NELL1: variants seen among roughly 807,000 people sequenced by gnomAD.
The protein encoded by NELL1 is neural EGFL like 1, also known as protein kinase C-binding protein NELL1.
NELL1 carries 76 observed loss-of-function variants against 107.4 expected under a neutral mutation model. The ratio of observed to expected loss-of-function variants is 0.71; its 90% CI spans 0.59 to 0.86. The LOEUF is 0.86. Among genes scored for constraint, NELL1 ranks in the 40% least tolerant of loss-of-function variants. The pLI is 0.00. For synonymous variants in NELL1, 353 were observed against 341.2 expected (o/e 1.03, Z -0.38); for missense variants, 1,024 against 1,005.5 (o/e 1.02, Z -0.25).
rs865953908 is a variant in NELL1 at position 21,099,224 on chromosome 11, C to A, written c.1301-14365C>A. On this transcript the variant is annotated intron_variant, in intron 12 of 19. Coordinates refer to ENST00000357134, the MANE Select transcript of NELL1 (RefSeq NM_006157.5). ...ACACACACACACACACACACACACACACACACACAAACACACACACACACA... is the reference window on the plus strand; with the variant it reads ...ACACACACACACACACACACACACAAACACACACAAACACACACACACACA... 5.6e-3 allele frequency among the ~76,000 whole-genome samples: 795 copies of A among 140,840 alleles called. 11 individuals are homozygous for A. Among genetic ancestry groups the A allele is most frequent in the Admixed American group, 0.031 (451 of 14,376 alleles). 92.4% of individuals were successfully genotyped at this position (140,840 alleles called of 152,430 possible).
intron 12 of NELL1, among the ~76,000 whole-genome samples, chr11:21,096,715 A>G (rs544213010): frequency 5.3e-5 from 8 of 151,778 alleles, no homozygotes; most frequent in Non-Finnish European, 8.8e-5. Flanking sequence ...CCACTTCCAT[A>G]TGCTCTTTTG....
intron 15 of NELL1, among the ~76,000 whole-genome samples, chr11:21,424,485 G>T (rs1852771086): frequency 6.6e-6 from 1 of 152,086 alleles, no homozygotes; most frequent in Non-Finnish European, 1.5e-5. Flanking sequence ...GCCAGATGTG[G>T]TGTCAGGCAC....
intron 14 of NELL1, among the ~76,000 whole-genome samples, chr11:21,333,604 C>T (rs10833509): frequency 2.0e-5 from 3 of 151,974 alleles, no homozygotes; most frequent in African/African-American, 4.8e-5. Context: ...CCCATCGATA[C>T]ATCTCTTTCC....
intron 13 of NELL1, among the ~76,000 whole-genome samples, chr11:21,175,532 TTAATAG>T (rs1856693914): frequency 6.6e-6 from 1 of 151,854 alleles, no homozygotes; most frequent in Non-Finnish European, 1.5e-5. Flanking sequence ...AATTTAGAAC[TTAATAG>T]TAATCCACTG....
intron 16 of NELL1, among the ~76,000 whole-genome samples, chr11:21,553,266 C>T (rs889022162): frequency 2.0e-5 from 3 of 151,750 alleles, no homozygotes; most frequent in Admixed American, 6.6e-5. Flanking sequence ...TATTTGTCAC[C>T]GAGGATTACA....
At chr11:20,678,198 G>A in intron 2 of NELL1, 138 bp downstream of exon 2, 1 of 937,386 alleles carries the variant, frequency 1.1e-6, no homozygotes, top group African/African-American at 1.6e-5. Context: ...GTTTAGATAT[G>A]CAGGGGGTAT....
At chr11:21,137,049 A>G (rs1004858458) in intron 13 of NELL1, among the ~76,000 whole-genome samples, 7 of 152,196 alleles carry the variant, frequency 4.6e-5, no homozygotes, top group African/African-American at 1.7e-4. Flanking sequence ...TACAGAAGAG[A>G]GAAGGAGGAG....
At chr11:20,955,506 A>G (rs1304397974) in intron 11 of NELL1, among the ~76,000 whole-genome samples, 1 of 152,194 alleles carries the variant, frequency 6.6e-6, no homozygotes, top group African/African-American at 2.4e-5. Context: ...GTGAATTTGT[A>G]CTTTTTATCT....
chr11:20,904,481 G>A (rs1443408780), intron 5 of NELL1, among the ~76,000 whole-genome samples: 2 of 152,158 alleles, frequency 1.3e-5, no homozygotes, highest in South Asian at 2.1e-4. Flanking sequence ...GGGCCAAAGA[G>A]TATGGTTGAG....
At chr11:20,894,988 C>CTTCATCCTTGCTCCATGTACCCCAT in intron 5 of NELL1, among the ~76,000 whole-genome samples, 22 of 150,966 alleles carry the variant, frequency 1.5e-4, no homozygotes, top group African/African-American at 5.4e-4. Context: ...ATTATTCCCT[C>CTTCATCCTTGCTCCATGTACCCCAT]TGGCCGGGCG....
chr11:21,115,560 T>C (rs1261535041), intron 13 of NELL1, among the ~76,000 whole-genome samples: 2 of 149,002 alleles, frequency 1.3e-5, no homozygotes, highest in Non-Finnish European at 2.9e-5. Context: ...AGAAATATTT[T>C]ATGTGAGTTT....
chr11:21,309,737 C>T (rs1947419), intron 14 of NELL1, among the ~76,000 whole-genome samples: 3,953 of 151,968 alleles, frequency 0.026, 73 homozygotes, highest in East Asian at 0.07. Context: ...ATATGGATGG[C>T]GTCAGGCAAA....
chr11:21,419,893 T>G (rs992365096), intron 15 of NELL1, among the ~76,000 whole-genome samples: 17 of 152,310 alleles, frequency 1.1e-4, no homozygotes, highest in African/African-American at 4.1e-4. Flanking sequence ...TCCACTGCCA[T>G]GCATTTGCCA....
rs1252826935 is a variant in NELL1, at chr11:21,025,454, G to C, written c.1300+64894G>C. Among the ~76,000 whole-genome samples the C allele has an allele frequency of 4.6e-5, 7 of 151,370 alleles. No homozygotes were observed. In the East Asian group the frequency reaches 1.4e-3, roughly 29 times the overall value. On this transcript the variant is annotated intron_variant, in intron 12 of 19. Coordinates refer to ENST00000357134, the MANE Select transcript of NELL1 (RefSeq NM_006157.5). ...ATTCTAGAGCCCATTTTCTTAACTT[G>C]TTTTGCTATACTAGATGAATAGATG... is the stretch of plus-strand genomic sequence containing the variant.
At chr11:21,088,557 T>C (rs1187717345) in intron 12 of NELL1, among the ~76,000 whole-genome samples, 1 of 152,208 alleles carries the variant, frequency 6.6e-6, no homozygotes, top group Non-Finnish European at 1.5e-5. Context: ...AGATTTGTAT[T>C]GATAGCAACA....
intron 14 of NELL1, among the ~76,000 whole-genome samples, chr11:21,314,045 G>T (rs1206080306): frequency 8.2e-6 from 1 of 122,660 alleles, no homozygotes; most frequent in East Asian, 2.6e-4. Context: ...GCCATGTGAA[G>T]TGCCTATTCT....
Position 21,169,936 on chromosome 11 carries a change from C to G in NELL1, c.1426+56222C>G, listed in dbSNP as rs143728289. ...ATGCCTTTTATGGCAGGAGGAAGTGCGGCTGGACCAAGAGCCCTCTCTTTG... is the reference window on the plus strand; with the variant it reads ...ATGCCTTTTATGGCAGGAGGAAGTGGGGCTGGACCAAGAGCCCTCTCTTTG... On this transcript the variant is annotated intron_variant, in intron 13 of 19. Transcript: ENST00000357134. 6 of 1,457,552 alleles carry G rather than the reference C, an allele frequency of 4.1e-6. No homozygotes were observed. The East Asian group carries it at 1.1e-4, about 28-fold the overall frequency. 90.3% of individuals were successfully genotyped at this position (1,457,552 alleles called of 1,614,324 possible). A position where few individuals can be genotyped will look rare whatever the true frequency, so the allele number is the denominator to read the frequency against.
chr11:21,575,327 A>C lies in NELL1; in HGVS notation c.*305A>C. ...GATCATTTGCAAATACATTTAAATG[A>C]TCTCATGGTAAATGTTGATGTATTT... On this transcript the variant is annotated 3_prime_UTR_variant, in exon 20 of 20. Coordinates refer to ENST00000357134, the MANE Select transcript of NELL1 (RefSeq NM_006157.5). 7 of 250,342 alleles carry C rather than the reference A, an allele frequency of 2.8e-5. No individual in the cohort carries two copies. Among genetic ancestry groups the C allele is most frequent in the South Asian group, 2.0e-4 (2 of 9,920 alleles). 15.5% of individuals were successfully genotyped at this position (250,342 alleles called of 1,614,324 possible).
chr11:20,778,373 C>T (rs1443505472), intron 2 of NELL1, among the ~76,000 whole-genome samples: 1 of 152,122 alleles, frequency 6.6e-6, no homozygotes, highest in Non-Finnish European at 1.5e-5. Context: ...ATGAAATTCA[C>T]CACCATCCTC....
Sources: allele counts gnomAD v4.1 joint callset (sites outside exome capture counted in the v4.1 genomes callset), GRCh38; gene constraint gnomAD v4.1.1; transcripts MANE v1.5; gene names NCBI Gene and HGNC (gene_info 2026-07-23, HGNC 2026-07-21).